Variants in FOXP1 observed in about 807,000 individuals in gnomAD.
FOXP1 encodes forkhead box P1.
A neutral mutation model predicts 98.2 loss-of-function variants in FOXP1; 15 were observed. That is an observed-to-expected ratio of 0.15 (90% CI 0.10 to 0.24). The LOEUF is 0.24. Among genes scored for constraint, FOXP1 ranks in the 10% least tolerant of loss-of-function variants. The pLI is 1.00. For missense variants in FOXP1, 633 were observed against 848.5 expected (o/e 0.75, Z 3.15); for synonymous variants, 371 against 314.5 (o/e 1.18, Z -1.90).
chr3:71,578,648 C>T (rs923543246), intron 2 of FOXP1, among the ~76,000 whole-genome samples: 11 of 152,152 alleles, frequency 7.2e-5, no homozygotes, highest in Non-Finnish European at 1.3e-4. Context: ...CTGCTATATT[C>T]CTTCTCTTTC....
chr3:71,034,990 G>A (rs1368678266), intron 11 of FOXP1, among the ~76,000 whole-genome samples: 1 of 152,184 alleles, frequency 6.6e-6, no homozygotes, highest in Non-Finnish European at 1.5e-5. Flanking sequence ...CAAGTGTCTG[G>A]AGAAAAGTCC....
chr3:71,583,300 T>G (rs1296012897), intron 1 of FOXP1, among the ~76,000 whole-genome samples: 5 of 151,208 alleles, frequency 3.3e-5, no homozygotes, highest in Admixed American at 2.0e-4. Context: ...CCGCCGGAGC[T>G]CCCTCCACCC....
intron 6 of FOXP1, among the ~76,000 whole-genome samples, chr3:71,154,864 A>G (rs1306211397): frequency 6.6e-6 from 1 of 152,196 alleles, no homozygotes; most frequent in African/African-American, 2.4e-5. Context: ...ACAGGAGCCA[A>G]AGGGTGGGTT....
intron 7 of FOXP1, among the ~76,000 whole-genome samples, chr3:71,073,851 G>A (rs1052792401): frequency 6.6e-6 from 1 of 152,120 alleles, no homozygotes; most frequent in African/African-American, 2.4e-5. Context: ...TGTCCTCCAG[G>A]GCTCAGTCTC....
intron 1 of FOXP1, chr3:71,582,229 G>A (rs1464032983): frequency 7.1e-6 from 7 of 985,328 alleles, no homozygotes; most frequent in Admixed American, 1.2e-4. Flanking sequence ...AGGGGGGCTC[G>A]TCGAGGGCCA....
In FOXP1 at chr3:71,075,459, G is replaced by T. The variant is rs556794907; in HGVS notation, c.283-21686C>A. Among the ~76,000 whole-genome samples, 3 of 152,182 alleles carry T rather than the reference G, an allele frequency of 2.0e-5. No individual in the cohort carries two copies. The South Asian group carries it at 6.2e-4, about 32-fold the overall frequency. On this transcript the variant is annotated intron_variant, in intron 7 of 20. Transcript: ENST00000649528. The stretch of plus-strand genomic sequence containing the variant: ...GACTTCTTATTTTTTTGTGCTGTAG[G>T]TACTGTTGATCCTCACTCCAAAATT...
intron 4 of FOXP1, among the ~76,000 whole-genome samples, chr3:71,356,531 G>A (rs141074701): frequency 1.3e-5 from 2 of 152,286 alleles, no homozygotes; most frequent in Non-Finnish European, 2.9e-5. Flanking sequence ...GGGGTGCCTA[G>A]TACAATGCTG....
intron 3 of FOXP1, among the ~76,000 whole-genome samples, chr3:71,363,348 T>A (rs946371338): frequency 6.6e-6 from 1 of 152,180 alleles, no homozygotes; most frequent in African/African-American, 2.4e-5. Context: ...CAAAATAAAT[T>A]TGAGTACACG....
rs754913438 is a variant in FOXP1 at position 71,047,146 on chromosome 3, TA to T, written c.511-52del. On this transcript the variant is annotated intron_variant, in intron 9 of 20. Coordinates refer to ENST00000649528, the MANE Select transcript of FOXP1 (RefSeq NM_001349338.3). The stretch of plus-strand genomic sequence containing the variant: ...GAGATGGCCACTTCCCAAGGAAGGT[TA>T]AAAGTATGGACACTTCAAAACTCAC... 49 of 1,605,426 alleles carry T rather than the reference TA, an allele frequency of 3.1e-5. No individual in the cohort carries two copies. In the South Asian group the frequency reaches 5.3e-4, roughly 17 times the overall value.
In FOXP1 at chr3:71,348,557, G is replaced by A. The variant is rs552914283; in HGVS notation, c.-73+10593C>T. Among the ~76,000 whole-genome samples, 556 of 134,786 alleles carry A rather than the reference G, an allele frequency of 4.1e-3. 4 individuals carry two copies. Among genetic ancestry groups the A allele is most frequent in the African/African-American group, 0.015 (524 of 34,760 alleles). The allele number at this position is 134,786 out of a possible 152,430, so 88.4% of individuals were successfully genotyped here. ...TGTGTGTGTGTGTGTGTGCGTGCGC[G>A]CGCGCACGCATATGCATGTGTGTAT... is the stretch of plus-strand genomic sequence containing the variant. On this transcript the variant is annotated intron_variant, in intron 4 of 20. Transcript: ENST00000649528.
intron 6 of FOXP1, among the ~76,000 whole-genome samples, chr3:71,175,858 G>T (rs1219014904): frequency 6.6e-6 from 1 of 152,092 alleles, no homozygotes; most frequent in Non-Finnish European, 1.5e-5. Context: ...ATTGTTCTTT[G>T]TTGACTGGAG....
intron 3 of FOXP1, among the ~76,000 whole-genome samples, chr3:71,399,388 A>G (rs887955762): frequency 1.3e-5 from 2 of 152,264 alleles, no homozygotes; most frequent in African/African-American, 4.8e-5. Context: ...GACTACACTT[A>G]AGGAAAGTAT....
intron 3 of FOXP1, among the ~76,000 whole-genome samples, chr3:71,464,104 G>A (rs939088776): frequency 1.3e-5 from 2 of 152,130 alleles, no homozygotes; most frequent in African/African-American, 2.4e-5. Context: ...ATAGGGAGAC[G>A]CCATCTCTAC....
At chr3:71,034,248 C>CCAT (rs1321372202) in intron 11 of FOXP1, among the ~76,000 whole-genome samples, 1 of 152,252 alleles carries the variant, frequency 6.6e-6, no homozygotes, top group South Asian at 2.1e-4. Flanking sequence ...GTGGAGGCTA[C>CCAT]CATCTGGACT....
chr3:71,556,346 C>T (rs890055476), intron 2 of FOXP1, among the ~76,000 whole-genome samples: 4 of 151,860 alleles, frequency 2.6e-5, no homozygotes, highest in Non-Finnish European at 2.9e-5. Context: ...GGGAGGCCGA[C>T]GTGAGCAGAT....
rs190442025 is a variant in FOXP1 at position 71,537,391 on chromosome 3, C to A, written c.-297-43836G>T. On this transcript the variant is annotated intron_variant, in intron 2 of 20. Coordinates refer to ENST00000649528, the MANE Select transcript of FOXP1 (RefSeq NM_001349338.3). ...CAGCTCAGTGTGGGTATTGGCTCAG[C>A]AGTATGGAAAAGTGTACTAGAAGGG... is the stretch of plus-strand genomic sequence containing the variant. Among the ~76,000 whole-genome samples the A allele has an allele frequency of 6.7e-3, 1,024 of 152,248 alleles. 9 individuals carry two copies. Among genetic ancestry groups the A allele is most frequent in the Non-Finnish European group, 1.0e-2 (679 of 68,022 alleles).
At chr3:71,065,316 T>G (rs951387559) in intron 7 of FOXP1, among the ~76,000 whole-genome samples, 2 of 151,122 alleles carry the variant, frequency 1.3e-5, no homozygotes, top group African/African-American at 4.9e-5. Flanking sequence ...TGACAAAGAG[T>G]TGTCCTAACC....
At chr3:71,015,798 C>G in intron 11 of FOXP1, 145 bp from the exon 12 acceptor site, 1 of 617,138 alleles carries the variant, frequency 1.6e-6, no homozygotes, top group Admixed American at 2.8e-5. Context: ...ATGTAATTGA[C>G]TAATTAATTC....
chr3:71,250,947 G>GAAAA (rs199671006), intron 5 of FOXP1, among the ~76,000 whole-genome samples: 2 of 150,260 alleles, frequency 1.3e-5, no homozygotes, highest in African/African-American at 4.9e-5. Context: ...AAGAAAGAAA[G>GAAAA]AAAAAAAAAT....
Sources: allele counts gnomAD v4.1 joint callset (sites outside exome capture counted in the v4.1 genomes callset), GRCh38; gene constraint gnomAD v4.1.1; transcripts MANE v1.5; gene names NCBI Gene and HGNC (gene_info 2026-07-23, HGNC 2026-07-21).